Variants in IFT74 observed in about 807,000 individuals in gnomAD.
The protein encoded by IFT74 is intraflagellar transport 74.
Under a neutral mutation model 96.7 loss-of-function variants are expected in IFT74, and 92 were observed. That is an observed-to-expected ratio of 0.95 (90% confidence interval 0.80 to 1.13). The LOEUF (loss-of-function observed/expected upper bound fraction) is 1.13, where lower values mean the gene tolerates loss of function less well. Among genes scored for constraint, IFT74 ranks in the 50% most tolerant of loss-of-function variants. The pLI is 0.00. For missense variants in IFT74, 811 were observed against 698.2 expected, an observed-to-expected ratio of 1.16 and a Z score of -1.82; for synonymous variants, 223 against 213.2, an observed-to-expected ratio of 1.05 and a Z score of -0.40.
intron 2 of IFT74, among the ~76,000 whole-genome samples, chr9:26,967,556 C>A (rs1469123117): frequency 6.6e-6 from 1 of 152,120 alleles, no homozygotes; most frequent in Non-Finnish European, 1.5e-5. Flanking sequence ...AATTTGACTT[C>A]TTCCTTTCCA....
At chr9:27,034,738 C>T (rs1177269646) in intron 13 of IFT74, among the ~76,000 whole-genome samples, 5 of 152,138 alleles carry the variant, frequency 3.3e-5, no homozygotes, top group Admixed American at 6.5e-5. Context: ...CCATGTTGGT[C>T]AGGCTGGTCT....
intron 1 of IFT74, among the ~76,000 whole-genome samples, chr9:26,951,249 T>C (rs1825921468): frequency 6.6e-6 from 1 of 152,204 alleles, no homozygotes; most frequent in Non-Finnish European, 1.5e-5. Flanking sequence ...ATGCAGATTA[T>C]ACAGGAATGA....
chr9:26,984,418 A>T (rs1587286777), intron 5 of IFT74, 63 bp downstream of exon 5: 1 of 1,580,778 alleles, frequency 6.3e-7, no homozygotes, highest in African/African-American at 1.4e-5. Context: ...CTTTGTAGCT[A>T]TCCATATTGT....
chr9:27,040,669 T>C (rs1368024557), intron 13 of IFT74, among the ~76,000 whole-genome samples: 2 of 151,866 alleles, frequency 1.3e-5, no homozygotes, highest in Non-Finnish European at 2.9e-5. Context: ...TCTTGCCCCG[T>C]CTCCCTGATT....
chr9:26,977,354 T>C (rs1434238037), intron 2 of IFT74, among the ~76,000 whole-genome samples: 1 of 152,172 alleles, frequency 6.6e-6, no homozygotes, highest in Non-Finnish European at 1.5e-5. Context: ...TCCCAGCTAC[T>C]TGGATAGCTG....
chr9:27,036,401 A>G (rs539152922), intron 13 of IFT74: 4 of 1,600,338 alleles, frequency 2.5e-6, no homozygotes, highest in Middle Eastern at 1.7e-4. Flanking sequence ...TACCACAGCA[A>G]TTTTGTAATA....
intron 2 of IFT74, among the ~76,000 whole-genome samples, chr9:26,967,316 C>G (rs375316279): frequency 5.9e-5 from 9 of 151,980 alleles, no homozygotes; most frequent in African/African-American, 2.2e-4. Flanking sequence ...TCTTTCACTT[C>G]TTGGGTTAAT....
intron 2 of IFT74, among the ~76,000 whole-genome samples, chr9:26,964,488 C>G (rs1474518513): frequency 2.6e-5 from 4 of 151,690 alleles, no homozygotes; most frequent in African/African-American, 9.7e-5. Flanking sequence ...TAGTTTTTTC[C>G]AATTCTGTGA....
At chr9:27,018,719 C>G (rs746460614) in intron 12 of IFT74, 32 bp downstream of exon 12, 1 of 1,325,892 alleles carries the variant, frequency 7.5e-7, no homozygotes, top group Non-Finnish European at 1.0e-6. Flanking sequence ...CATTTTACAT[C>G]CATTTCTCAC....
intron 2 of IFT74, among the ~76,000 whole-genome samples, chr9:26,967,473 A>G (rs1456693237): frequency 1.3e-5 from 2 of 152,130 alleles, no homozygotes; most frequent in Non-Finnish European, 2.9e-5. Flanking sequence ...ACTATTTATC[A>G]GTTCAGATAG....
At chr9:27,045,381 T>A (rs1819657767) in intron 14 of IFT74, among the ~76,000 whole-genome samples, 2 of 152,220 alleles carry the variant, frequency 1.3e-5, no homozygotes, top group Non-Finnish European at 2.9e-5. Context: ...TGGGGACTGC[T>A]GCTATAGATC....
At chr9:27,033,630 A>G (rs1360009445) in intron 13 of IFT74, among the ~76,000 whole-genome samples, 1 of 151,520 alleles carries the variant, frequency 6.6e-6, no homozygotes, top group African/African-American at 2.4e-5. Flanking sequence ...TCTGACAACC[A>G]TTAGCTACCC....
At chr9:27,016,529 A>G (rs772439842) in intron 10 of IFT74, among the ~76,000 whole-genome samples, 5 of 152,216 alleles carry the variant, frequency 3.3e-5, no homozygotes, top group Non-Finnish European at 7.3e-5. Context: ...TTAGGGAAAA[A>G]TATCTTCTCT....
chr9:26,978,113 T>A lies in IFT74; in HGVS notation c.121-15T>A. The stretch of plus-strand genomic sequence containing the variant: ...TTTCTGGTTTACTAAAAATGAAATC[T>A]TGTTTGTCATTTAGATGCCACCTGG... On this transcript the variant is annotated splice_polypyrimidine_tract_variant and intron_variant, in intron 2 of 19. Coordinates refer to ENST00000380062, the MANE Select transcript of IFT74 (RefSeq NM_025103.4). The A allele has an allele frequency of 2.6e-6, 4 of 1,557,864 alleles. No homozygotes were observed. Among genetic ancestry groups the A allele is most frequent in the Non-Finnish European group, 3.5e-6 (4 of 1,159,296 alleles).
At chr9:27,025,194 C>T (rs1048778213) in intron 12 of IFT74, among the ~76,000 whole-genome samples, 1 of 151,922 alleles carries the variant, frequency 6.6e-6, no homozygotes, top group Non-Finnish European at 1.5e-5. Flanking sequence ...CCTGTAATCC[C>T]AGCACTTTGG....
rs187461681 is a variant in IFT74, at chr9:26,973,677, A to T, written c.121-4451A>T. Among the ~76,000 whole-genome samples the T allele has an allele frequency of 2.3e-4, 35 of 152,254 alleles. No individual in the cohort carries two copies. The East Asian group carries it at 6.2e-3, about 27-fold the overall frequency. ...ATTGAATGTGAGTTAATAGATCTTG[A>T]TGTTTGACTTTTGTATTTTCCAAGA... On this transcript the variant is annotated intron_variant, in intron 2 of 19. Transcript: ENST00000380062.
chr9:27,014,330 C>T (rs1469040263), intron 10 of IFT74, among the ~76,000 whole-genome samples: 2 of 152,114 alleles, frequency 1.3e-5, no homozygotes, highest in African/African-American at 2.4e-5. Context: ...GAAAGAAGGA[C>T]CACATTTAGT....
At chr9:26,948,934 T>A (rs542574391) in intron 1 of IFT74, among the ~76,000 whole-genome samples, 21 of 152,010 alleles carry the variant, frequency 1.4e-4, no homozygotes, top group Non-Finnish European at 2.7e-4. Context: ...ATGCTCTTTG[T>A]ACATGCATTT....
chr9:26,960,946 A>T (rs760809490), intron 1 of IFT74, among the ~76,000 whole-genome samples: 2 of 151,778 alleles, frequency 1.3e-5, no homozygotes, highest in Non-Finnish European at 2.9e-5. Flanking sequence ...GTGAGATTGG[A>T]ATAGAGAAGC....
Sources: allele counts gnomAD v4.1 joint callset (sites outside exome capture counted in the v4.1 genomes callset), GRCh38; gene constraint gnomAD v4.1.1; transcripts MANE v1.5; gene names NCBI Gene and HGNC (gene_info 2026-07-23, HGNC 2026-07-21).